PDE4D: variants seen among roughly 807,000 people sequenced by gnomAD.
The protein encoded by PDE4D is phosphodiesterase 4D.
In PDE4D, 24 loss-of-function variants were observed where a neutral mutation model predicts 87.4. The observed-to-expected ratio is 0.27, with a 90% CI of 0.20 to 0.39. The LOEUF (loss-of-function observed/expected upper bound fraction) is 0.39. Ranked by LOEUF, PDE4D falls within the 10% of genes least tolerant of loss-of-function variation. The pLI, the probability that PDE4D is intolerant of heterozygous loss-of-function variation, is 1.00. For synonymous variants in PDE4D, 384 were observed against 383.2 expected (o/e 1.00, Z -0.02); for missense variants, 714 against 1,041.0 (o/e 0.69, Z 4.32).
At chr5:59,943,774 C>T (rs1288423796) in intron 3 of PDE4D, among the ~76,000 whole-genome samples, 1 of 152,168 alleles carries the variant, frequency 6.6e-6, no homozygotes. Flanking sequence ...CAATTGTTCC[C>T]TGCCCCTAAG....
At chr5:59,762,557 C>CACATATGTGTATATGTGTATATAGGT (rs1762216889) in intron 1 of PDE4D, among the ~76,000 whole-genome samples, 1 of 95,594 alleles carries the variant, frequency 1.0e-5, no homozygotes, top group African/African-American at 5.4e-5. Flanking sequence ...TATATGGGTA[C>CACATATGTGTATATGTGTATATAGGT]ACATATGTGT....
chr5:59,741,961 A>G (rs991456293), intron 1 of PDE4D, among the ~76,000 whole-genome samples: 1 of 152,130 alleles, frequency 6.6e-6, no homozygotes, highest in African/African-American at 2.4e-5. Context: ...GAGCAAACAT[A>G]TTGTTGAGAA....
At chr5:59,173,781 GGC>G (rs1379744331) in intron 5 of PDE4D, among the ~76,000 whole-genome samples, 1 of 152,154 alleles carries the variant, frequency 6.6e-6, no homozygotes, top group Non-Finnish European at 1.5e-5. Flanking sequence ...CTCTGGCAAT[GGC>G]TGGGTCTCTT....
intron 1 of PDE4D, among the ~76,000 whole-genome samples, chr5:59,615,354 T>A (rs1829531358): frequency 6.6e-6 from 1 of 152,192 alleles, no homozygotes; most frequent in Non-Finnish European, 1.5e-5. Flanking sequence ...GATAAAAGCC[T>A]TAAATGGCCT....
chr5:59,504,071 T>G (rs1019011753), intron 1 of PDE4D, among the ~76,000 whole-genome samples: 1 of 152,166 alleles, frequency 6.6e-6, no homozygotes, highest in Non-Finnish European at 1.5e-5. Flanking sequence ...AGAATCCTTG[T>G]AGAATGAACC....
At chr5:59,909,966 T>C (rs13156502) in intron 3 of PDE4D, among the ~76,000 whole-genome samples, 21,704 of 152,118 alleles carry the variant, frequency 0.14, 1,849 homozygotes, top group African/African-American at 0.24. Flanking sequence ...GAATGCCCCA[T>C]ATATACCCCC....
intron 5 of PDE4D, among the ~76,000 whole-genome samples, chr5:59,172,639 C>T (rs898933805): frequency 4.0e-5 from 6 of 151,352 alleles, no homozygotes; most frequent in Non-Finnish European, 7.4e-5. Context: ...GACTGGGAGG[C>T]GGAGGTTGCA....
At chr5:59,281,024 T>C (rs1054937518) in intron 1 of PDE4D, among the ~76,000 whole-genome samples, 6 of 152,166 alleles carry the variant, frequency 3.9e-5, no homozygotes, top group Admixed American at 6.6e-5. Context: ...TCCTACTCTT[T>C]GCTTAGTATC....
At chr5:60,172,783 C>A (rs1783584941) in intron 2 of PDE4D, among the ~76,000 whole-genome samples, 1 of 152,260 alleles carries the variant, frequency 6.6e-6, no homozygotes, top group East Asian at 1.9e-4. Flanking sequence ...CCCTGCAGAA[C>A]TTTCTTATAT....
chr5:60,318,540 G>T (rs1755868323), intron 1 of PDE4D, among the ~76,000 whole-genome samples: 1 of 152,162 alleles, frequency 6.6e-6, no homozygotes, highest in African/African-American at 2.4e-5. Flanking sequence ...ATGTTAGCTG[G>T]TGATTTTGCT....
intron 1 of PDE4D, among the ~76,000 whole-genome samples, chr5:59,498,368 G>GT (rs1178555886): frequency 6.6e-6 from 1 of 150,690 alleles, no homozygotes; most frequent in Non-Finnish European, 1.5e-5. Flanking sequence ...GATATGTGAG[G>GT]TTTTATTCTT....
chr5:60,137,014 T>C (rs1337005628), intron 2 of PDE4D, among the ~76,000 whole-genome samples: 1 of 152,104 alleles, frequency 6.6e-6, no homozygotes, highest in Non-Finnish European at 1.5e-5. Flanking sequence ...CCACTCCCAA[T>C]GTGTCCATGC....
At chr5:60,503,690 C>T (rs1750200058) in intron 1 of PDE4D, among the ~76,000 whole-genome samples, 1 of 152,102 alleles carries the variant, frequency 6.6e-6, no homozygotes, top group Non-Finnish European at 1.5e-5. Context: ...CTTGTTTCTC[C>T]TGCTTTTGTC....
chr5:60,337,388 T>TATATATATATACAC lies in PDE4D; in HGVS notation c.-90+150553_-90+150554insGTGTATATATATAT, dbSNP rs66871903. ...ATATATATATATATATATATATATA[T>TATATATATATACAC]ACACACACACACACACACATATATC... On this transcript the variant is annotated intron_variant, in intron 1 of 16. Transcript: ENST00000502484. Among the ~76,000 whole-genome samples, 95 of 89,388 alleles carry TATATATATATACAC rather than the reference T, an allele frequency of 1.1e-3. 1 individual carries two copies. The highest frequency in any genetic ancestry group is 1.8e-3 in the South Asian group (3 of 1,652). The allele number at this position is 89,388 out of a possible 152,430, so 58.6% of individuals were successfully genotyped here. A position where few individuals can be genotyped will look rare whatever the true frequency, so the allele number is the denominator to read the frequency against.
intron 1 of PDE4D, among the ~76,000 whole-genome samples, chr5:59,222,673 T>C (rs1298926510): frequency 1.3e-5 from 2 of 152,090 alleles, no homozygotes; most frequent in African/African-American, 4.8e-5. Context: ...ACATAGAAAA[T>C]ATTGACCTAC....
chr5:59,475,895 CTGTT>C (rs1454393211), intron 1 of PDE4D, among the ~76,000 whole-genome samples: 1 of 152,006 alleles, frequency 6.6e-6, no homozygotes, highest in Non-Finnish European at 1.5e-5. Context: ...CTCCACAATT[CTGTT>C]TGTTTCCATT....
At chr5:59,725,139 T>C (rs952734740) in intron 1 of PDE4D, among the ~76,000 whole-genome samples, 4 of 152,110 alleles carry the variant, frequency 2.6e-5, no homozygotes, top group Admixed American at 2.6e-4. Context: ...TCCTTGGCTT[T>C]ACCTTTCCTT....
intron 2 of PDE4D, among the ~76,000 whole-genome samples, chr5:60,089,848 C>T (rs1039905996): frequency 4.7e-5 from 7 of 149,542 alleles, no homozygotes; most frequent in African/African-American, 1.7e-4. Flanking sequence ...ACAACTGATA[C>T]TACAGAAATA....
chr5:59,681,900 CAA>C (rs11266968), intron 1 of PDE4D, among the ~76,000 whole-genome samples: 2,661 of 96,398 alleles, frequency 0.028, 73 homozygotes, highest in African/African-American at 0.082. Flanking sequence ...GACTCTGTCT[CAA>C]AAAAAAAAAA....
Sources: gnomAD v4.1 joint callset for allele counts (sites outside exome capture counted in the v4.1 genomes callset) on GRCh38, gnomAD v4.1.1 for gene constraint, MANE v1.5 for transcripts, NCBI Gene and HGNC (gene_info 2026-07-23, HGNC 2026-07-21) for gene names.